ZMAT4: variants seen among roughly 807,000 people sequenced by gnomAD.
ZMAT4 encodes the protein zinc finger matrin-type protein 4.
ZMAT4 carries 17 observed loss-of-function variants against 28.7 expected under a neutral mutation model. The ratio of observed to expected loss-of-function variants is 0.59; its 90% CI spans 0.41 to 0.89. The LOEUF is 0.89. Ranked by LOEUF, ZMAT4 falls within the 40% of genes least tolerant of loss-of-function variation. The probability of loss-of-function intolerance (pLI) is 0.00; values close to 1 mark genes in which losing one functional copy is unlikely to be tolerated. For missense variants in ZMAT4, 240 were observed against 283.8 expected (o/e 0.85, Z 1.11); for synonymous variants, 117 against 109.2 (o/e 1.07, Z -0.44).
chr8:40,578,184 AAC>A (rs1804331500), intron 6 of ZMAT4, among the ~76,000 whole-genome samples: 2 of 152,134 alleles, frequency 1.3e-5, no homozygotes, highest in Admixed American at 6.5e-5. Flanking sequence ...AAAGAAATAT[AAC>A]ACTGAGACAG....
At chr8:40,795,728 C>A (rs534800392) in intron 2 of ZMAT4, among the ~76,000 whole-genome samples, 3 of 152,292 alleles carry the variant, frequency 2.0e-5, no homozygotes, top group African/African-American at 4.8e-5. Context: ...ATAAAAATTT[C>A]TCCATACTTT....
chr8:40,566,775 A>G (rs1305157985), intron 6 of ZMAT4, among the ~76,000 whole-genome samples: 1 of 152,130 alleles, frequency 6.6e-6, no homozygotes, highest in African/African-American at 2.4e-5. Flanking sequence ...TAAAGTGTCC[A>G]TTCCAATACA....
intron 4 of ZMAT4, among the ~76,000 whole-genome samples, chr8:40,685,416 T>C (rs181988020): frequency 1.3e-5 from 2 of 152,246 alleles, no homozygotes; most frequent in East Asian, 3.9e-4. Flanking sequence ...CAGACAAAAG[T>C]TGGAAAATCC....
At chr8:40,767,620 C>T (rs1813217436) in intron 3 of ZMAT4, 21 bp downstream of exon 3, 1 of 1,598,802 alleles carries the variant, frequency 6.3e-7, no homozygotes, top group Admixed American at 1.7e-5. Flanking sequence ...CTGAGGATAT[C>T]ACGTGGTACC....
intron 5 of ZMAT4, among the ~76,000 whole-genome samples, chr8:40,605,474 T>A (rs1379640399): frequency 1.3e-5 from 2 of 152,188 alleles, no homozygotes; most frequent in African/African-American, 4.8e-5. Context: ...TTAATTTTCA[T>A]GTATTTGTAT....
chr8:40,647,481 T>C (rs1178032805), intron 5 of ZMAT4, among the ~76,000 whole-genome samples: 23 of 152,006 alleles, frequency 1.5e-4, no homozygotes, highest in Admixed American at 1.3e-3. Flanking sequence ...AACTGCAAGG[T>C]GGCAGCGAGG....
rs114354995 is a variant in ZMAT4 at position 40,790,541 on chromosome 8, T to C, written c.103-22811A>G. ...TTAATTGTTTAAATACCATTTATAA[T>C]ACTATCAGAAATATGAAATATTTGG... On this transcript the variant is annotated intron_variant, in intron 2 of 6. Coordinates refer to ENST00000297737, the MANE Select transcript of ZMAT4 (RefSeq NM_024645.3). Among the ~76,000 whole-genome samples, 509 of 152,320 alleles carry C rather than the reference T, an allele frequency of 3.3e-3. 2 individuals are homozygous for C. The highest frequency in any genetic ancestry group is 0.011 in the African/African-American group (471 of 41,566).
At chr8:40,534,069 T>C (rs923196152) in intron 6 of ZMAT4, among the ~76,000 whole-genome samples, 1 of 152,008 alleles carries the variant, frequency 6.6e-6, no homozygotes, top group African/African-American at 2.4e-5. Context: ...TTAGAGAAAA[T>C]CAGATGAAAG....
At chr8:40,740,177 G>A (rs1193993495) in intron 3 of ZMAT4, among the ~76,000 whole-genome samples, 1 of 152,130 alleles carries the variant, frequency 6.6e-6, no homozygotes, top group Non-Finnish European at 1.5e-5. Context: ...GCATTGCTGG[G>A]TCAAATGGTA....
At chr8:40,779,882 A>G (rs1586038937) in intron 2 of ZMAT4, among the ~76,000 whole-genome samples, 1 of 152,078 alleles carries the variant, frequency 6.6e-6, no homozygotes, top group Non-Finnish European at 1.5e-5. Context: ...CTCAAGGCCA[A>G]CCCGCCGGCA....
chr8:40,836,054 G>C (rs1471338670), intron 1 of ZMAT4, among the ~76,000 whole-genome samples: 1 of 152,162 alleles, frequency 6.6e-6, no homozygotes, highest in South Asian at 2.1e-4. Context: ...CTACACAGCA[G>C]CCTCCCCCGT....
chr8:40,890,188 A>G (rs1818619797), intron 1 of ZMAT4, among the ~76,000 whole-genome samples: 1 of 152,206 alleles, frequency 6.6e-6, no homozygotes, highest in African/African-American at 2.4e-5. Flanking sequence ...TTTTAAAAAC[A>G]CTTTTTGAAA....
chr8:40,725,043 C>T (rs1184289734), intron 3 of ZMAT4, among the ~76,000 whole-genome samples: 1 of 152,170 alleles, frequency 6.6e-6, no homozygotes, highest in African/African-American at 2.4e-5. Context: ...CACTACATGA[C>T]TTGCAAGTAA....
chr8:40,863,324 A>C (rs1028408963), intron 1 of ZMAT4, among the ~76,000 whole-genome samples: 1 of 152,220 alleles, frequency 6.6e-6, no homozygotes, highest in Non-Finnish European at 1.5e-5. Context: ...AAACCATGTG[A>C]AGGATTATGG....
chr8:40,669,256 A>T (rs568213702), intron 5 of ZMAT4, among the ~76,000 whole-genome samples: 1 of 152,280 alleles, frequency 6.6e-6, no homozygotes, highest in Non-Finnish European at 1.5e-5. Context: ...AATCTGGCAG[A>T]AGGGGTCCAA....
At chr8:40,701,192 A>G (rs769345068) in intron 3 of ZMAT4, among the ~76,000 whole-genome samples, 3 of 152,238 alleles carry the variant, frequency 2.0e-5, no homozygotes, top group Non-Finnish European at 4.4e-5. Context: ...ATATATTCCT[A>G]GATTTCTGCT....
intron 6 of ZMAT4, among the ~76,000 whole-genome samples, chr8:40,552,977 T>C (rs1803412470): frequency 6.6e-6 from 1 of 152,210 alleles, no homozygotes; most frequent in South Asian, 2.1e-4. Context: ...ATTTATATCC[T>C]GCTGCTCAAG....
chr8:40,570,392 C>T (rs1027039474), intron 6 of ZMAT4, among the ~76,000 whole-genome samples: 6 of 152,210 alleles, frequency 3.9e-5, no homozygotes, highest in Admixed American at 6.5e-5. Context: ...GCAGCTTAAT[C>T]GGTTTATTTA....
At chr8:40,661,998 A>G (rs1422957450) in intron 5 of ZMAT4, among the ~76,000 whole-genome samples, 1 of 152,110 alleles carries the variant, frequency 6.6e-6, no homozygotes, top group East Asian at 1.9e-4. Flanking sequence ...TTGTTTTGAG[A>G]CAGAGTCTCA....
Sources: allele counts gnomAD v4.1 joint callset (sites outside exome capture counted in the v4.1 genomes callset), GRCh38; gene constraint gnomAD v4.1.1; transcripts MANE v1.5; gene names NCBI Gene and HGNC (gene_info 2026-07-23, HGNC 2026-07-21).